Variants in GRIP1 observed in about 807,000 individuals in gnomAD.
GRIP1 encodes the protein glutamate receptor-interacting protein 1.
A neutral mutation model predicts 129.9 loss-of-function variants in GRIP1; 45 were observed. The observed-to-expected ratio is 0.35, with a 90% CI of 0.27 to 0.44. GRIP1 has a LOEUF of 0.44. GRIP1 is among the 20% of genes least tolerant of loss of function. The pLI, the probability that GRIP1 is intolerant of heterozygous loss-of-function variation, is 1.00. For synonymous variants in GRIP1, 530 were observed against 520.8 expected (o/e 1.02, Z -0.24); for missense variants, 1,196 against 1,396.8 (o/e 0.86, Z 2.29).
intron 1 of GRIP1, among the ~76,000 whole-genome samples, chr12:66,728,119 C>T (rs2036314444): frequency 1.3e-5 from 2 of 152,258 alleles, no homozygotes; most frequent in South Asian, 2.1e-4. Context: ...ACCTTGAGGG[C>T]TTTCATGTTA....
intron 1 of GRIP1, among the ~76,000 whole-genome samples, chr12:66,604,686 T>G (rs1302870975): frequency 6.6e-6 from 1 of 152,220 alleles, no homozygotes; most frequent in Non-Finnish European, 1.5e-5. Context: ...AGAATGACAA[T>G]TTGGTGCAAA....
chr12:66,679,663 G>C (rs889624248), upstream of GRIP1, among the ~76,000 whole-genome samples: 15 of 152,094 alleles, frequency 9.9e-5, no homozygotes, highest in Non-Finnish European at 1.5e-5. Flanking sequence ...TGGAGTCCCA[G>C]CCCCTTTAAT....
At chr12:67,040,885 G>A (rs2043166973) in intron 1 of GRIP1, among the ~76,000 whole-genome samples, 1 of 152,016 alleles carries the variant, frequency 6.6e-6, no homozygotes, top group African/African-American at 2.4e-5. Context: ...TTTTTGGCAG[G>A]GGCTGAGATT....
At chr12:66,694,354 T>G (rs576257173) in intron 1 of GRIP1, among the ~76,000 whole-genome samples, 1 of 152,172 alleles carries the variant, frequency 6.6e-6, no homozygotes, top group Non-Finnish European at 1.5e-5. Context: ...ACTTTTAGAC[T>G]TAATGAAAAG....
At chr12:66,373,880 A>T (rs2055655463) in intron 22 of GRIP1, among the ~76,000 whole-genome samples, 1 of 152,202 alleles carries the variant, frequency 6.6e-6, no homozygotes, top group African/African-American at 2.4e-5. Flanking sequence ...AAGGAAAGAG[A>T]TGCGTGGACA....
chr12:66,945,702 A>G (rs756287227), intron 1 of GRIP1, among the ~76,000 whole-genome samples: 1 of 152,200 alleles, frequency 6.6e-6, no homozygotes, highest in Non-Finnish European at 1.5e-5. Context: ...CACCTCTCAC[A>G]CTGGGGATTA....
intron 2 of GRIP1, among the ~76,000 whole-genome samples, chr12:66,559,955 T>A (rs760312506): frequency 1.5e-4 from 23 of 152,230 alleles, no homozygotes; most frequent in Non-Finnish European, 2.2e-4. Context: ...TGCATGGTAC[T>A]GGCATAAAAA....
At chr12:66,352,346 A>T (rs2054269687) in intron 24 of GRIP1, among the ~76,000 whole-genome samples, 1 of 152,150 alleles carries the variant, frequency 6.6e-6, no homozygotes. Flanking sequence ...CATGTTTAGC[A>T]GAGAAGCGCC....
intron 1 of GRIP1, among the ~76,000 whole-genome samples, chr12:66,851,401 AGCT>A (rs1475866845): frequency 6.6e-6 from 1 of 152,116 alleles, no homozygotes; most frequent in African/African-American, 2.4e-5. Flanking sequence ...TCTATCCAAG[AGCT>A]CAGCAGCCCA....
intron 7 of GRIP1, among the ~76,000 whole-genome samples, chr12:66,513,795 A>G (rs1215445557): frequency 6.6e-6 from 1 of 152,072 alleles, no homozygotes; most frequent in East Asian, 1.9e-4. Context: ...AGAATGTGAG[A>G]GTGAGTTGCA....
chr12:66,421,022 C>A (rs1384809020), intron 14 of GRIP1, among the ~76,000 whole-genome samples: 2 of 152,128 alleles, frequency 1.3e-5, no homozygotes, highest in Non-Finnish European at 2.9e-5. Context: ...TTAGAGAAAG[C>A]AATTGGATAA....
rs531347494 is a variant in GRIP1 at position 66,850,867 on chromosome 12, T to C, written c.58+218183A>G. On this transcript the variant is annotated intron_variant, in intron 1 of 1. Transcript: ENST00000643019. The stretch of plus-strand genomic sequence containing the variant: ...ATGAATGTGACCTCTCTCCTGGTAA[T>C]GTCTCCTCTTTTGGGCTTCTTGGCT... Among the ~76,000 whole-genome samples, 3 of 151,574 alleles carry C rather than the reference T, an allele frequency of 2.0e-5. No individual in the cohort carries two copies. In the East Asian group the frequency reaches 5.8e-4, roughly 29 times the overall value.
chr12:66,646,115 A>T (rs1391632941), intron 1 of GRIP1, among the ~76,000 whole-genome samples: 2 of 152,236 alleles, frequency 1.3e-5, no homozygotes, highest in African/African-American at 4.8e-5. Flanking sequence ...CTAAACACAA[A>T]AAAAGGTACG....
chr12:66,479,925 TA>T (rs1238542632), intron 7 of GRIP1, among the ~76,000 whole-genome samples: 1 of 152,154 alleles, frequency 6.6e-6, no homozygotes, highest in African/African-American at 2.4e-5. Context: ...TATCTCAAAA[TA>T]ATAAGAGCTA....
At chr12:66,943,482 G>C (rs1246812697) in intron 1 of GRIP1, among the ~76,000 whole-genome samples, 2 of 152,192 alleles carry the variant, frequency 1.3e-5, no homozygotes, top group African/African-American at 4.8e-5. Context: ...AGGCATTAAA[G>C]ACATCCTTAT....
chr12:66,757,347 G>T (rs566429922), intron 1 of GRIP1, among the ~76,000 whole-genome samples: 2 of 152,062 alleles, frequency 1.3e-5, no homozygotes, highest in African/African-American at 4.8e-5. Context: ...GTCTTTCTGT[G>T]TCTGGCTTAT....
At chr12:66,844,475 G>A (rs1215819038) in intron 1 of GRIP1, among the ~76,000 whole-genome samples, 1 of 152,130 alleles carries the variant, frequency 6.6e-6, no homozygotes, top group East Asian at 1.9e-4. Context: ...TGTTGCTGAC[G>A]ATGTGGAGAA....
chr12:66,982,953 G>A (rs985342223), intron 1 of GRIP1, among the ~76,000 whole-genome samples: 1 of 152,156 alleles, frequency 6.6e-6, no homozygotes, highest in African/African-American at 2.4e-5. Flanking sequence ...TAATGAATAT[G>A]GCTACTAGAA....
At chr12:66,353,024 T>C (rs1037562125) in intron 24 of GRIP1, among the ~76,000 whole-genome samples, 1 of 152,060 alleles carries the variant, frequency 6.6e-6, no homozygotes, top group African/African-American at 2.4e-5. Flanking sequence ...AGAGGCCAAA[T>C]CCCTGGGGCC....
Sources: gnomAD v4.1 joint callset for allele counts (sites outside exome capture counted in the v4.1 genomes callset) on GRCh38, gnomAD v4.1.1 for gene constraint, MANE v1.5 for transcripts, NCBI Gene and HGNC (gene_info 2026-07-23, HGNC 2026-07-21) for gene names.